Variants in PPP1R16A observed in about 807,000 individuals in gnomAD.
PPP1R16A encodes the protein protein phosphatase 1 regulatory subunit 16A.
PPP1R16A carries 39 observed loss-of-function variants against 46.6 expected under a neutral mutation model. The ratio of observed to expected loss-of-function variants is 0.84; its 90% CI spans 0.65 to 1.09. The LOEUF is 1.09. Ranked by LOEUF, PPP1R16A falls within the 50% of genes least tolerant of loss-of-function variation. The pLI, the probability that PPP1R16A is intolerant of heterozygous loss-of-function variation, is 0.00. For synonymous variants in PPP1R16A, 413 were observed against 321.5 expected (o/e 1.28, Z -3.04); for missense variants, 798 against 735.6 (o/e 1.08, Z -0.98).
intron 3 of PPP1R16A, chr8:144,498,411 G>A (rs1013532561): frequency 3.0e-6 from 1 of 338,652 alleles, no homozygotes; most frequent in Non-Finnish European, 5.7e-6. Context: ...AGGTTGTCAG[G>A]GAAGAGCCGA....
At position 144,493,944 on chromosome 8, in the gene PPP1R16A, T is replaced by TG. The variant is rs1014556096; in HGVS notation, c.-734-2510dup. Reference sequence around the variant, plus strand: ...GGCCTCCCTCTGCAGCCAGGGGGACTGGGGGGGTTCCCACTGTCCAGCTGC... The same window carrying TG: ...GGCCTCCCTCTGCAGCCAGGGGGACTGGGGGGGGTTCCCACTGTCCAGCTGC... On this transcript the variant is annotated intron_variant, in intron 2 of 11. Transcript: ENST00000435887. This position sits in a 1 kb window ranked among gnomAD's most constrained non-coding sequence, Gnocchi z 4.3. Among the ~76,000 whole-genome samples, 76 of 152,050 alleles carry TG rather than the reference T, an allele frequency of 5.0e-4. 2 individuals are homozygous for TG. The highest frequency in any genetic ancestry group is 2.1e-3 in the Admixed American group (32 of 15,272).
In PPP1R16A at chr8:144,497,316, A is replaced by G. The variant is rs201796418; in HGVS notation, c.122A>G (p.Glu41Gly). Reference sequence around the variant, plus strand: ...CAGGTGAAGATGTGGGCCCAGGCTGAGAAGGAGGCCCAGGGCAAGAAGGGT... The same window carrying G: ...CAGGTGAAGATGTGGGCCCAGGCTGGGAAGGAGGCCCAGGGCAAGAAGGGT... ...AQQVKMWAQA[E>G]KEAQGKKGPG... The change falls in exon 3 of 12, where the codon GAG becomes GGG. Residue 41 changes from glutamate (E) to glycine (G), a missense_variant. Coordinates refer to ENST00000435887, the MANE Select transcript of PPP1R16A (RefSeq NM_001329443.2). 6 of 1,612,562 alleles carry G rather than the reference A, an allele frequency of 3.7e-6. No individual in the cohort carries two copies. The Admixed American group carries it at 1.0e-4, about 27-fold the overall frequency.
At chr8:144,492,551 G>A (rs1033147500) in intron 2 of PPP1R16A, among the ~76,000 whole-genome samples, 2 of 152,078 alleles carry the variant, frequency 1.3e-5, no homozygotes, top group African/African-American at 4.8e-5. Flanking sequence ...TAGCAAGGAT[G>A]GTCTCGATCT....
chr8:144,502,011 C>T lies in PPP1R16A; in HGVS notation c.*108C>T, dbSNP rs768324407. On this transcript the variant is annotated 3_prime_UTR_variant, in exon 12 of 12. Transcript: ENST00000435887. ...TGCAGCACGGAAACCCCGGCTTCTA[C>T]TGTACAGGACACTGGCCCCTCTCAG... The T allele has an allele frequency of 1.8e-6, 2 of 1,135,078 alleles. No individual in the cohort carries two copies. The highest frequency in any genetic ancestry group is 1.2e-6 in the Non-Finnish European group (1 of 827,500). The allele number at this position is 1,135,078 out of a possible 1,614,324, so 70.3% of individuals were successfully genotyped here. A position where few individuals can be genotyped will look rare whatever the true frequency, so the allele number is the denominator to read the frequency against.
chr8:144,499,860 G>A (rs1826319446), intron 5 of PPP1R16A: 4 of 534,222 alleles, frequency 7.5e-6, no homozygotes, highest in African/African-American at 3.8e-5. Context: ...GCCCCTGGAG[G>A]TGCCAGGAAC....
intron 1 of PPP1R16A, among the ~76,000 whole-genome samples, chr8:144,486,314 G>C (rs1002523158): frequency 6.6e-6 from 1 of 152,082 alleles, no homozygotes; most frequent in Admixed American, 6.6e-5. Flanking sequence ...GATCCCGCCT[G>C]CCCCAGCCTC....
At chr8:144,479,469 C>G (rs1379272039) in intron 1 of PPP1R16A, among the ~76,000 whole-genome samples, 2 of 152,200 alleles carry the variant, frequency 1.3e-5, no homozygotes, top group Non-Finnish European at 2.9e-5. Context: ...CTGTCCTGGC[C>G]TCATCCCTCA....
Position 144,500,946 on chromosome 8 carries a change from C to G in PPP1R16A, c.1012C>G (p.Arg338Gly). 2 of 1,496,730 alleles carry G rather than the reference C, an allele frequency of 1.3e-6. No homozygotes were observed. Among genetic ancestry groups the G allele is most frequent in the South Asian group, 1.3e-5 (1 of 79,022 alleles). 92.7% of individuals were successfully genotyped at this position (1,496,730 alleles called of 1,614,324 possible). A position where few individuals can be genotyped will look rare whatever the true frequency, so the allele number is the denominator to read the frequency against. ...CCGCCAGCGCTCCTTGCTGCGCCGC[C>G]GCACCTCCAGCGCCGGCAGCCGCGG... ...QSRQRSLLRR[R>G]TSSAGSRGKV... Residue 338 changes from arginine to glycine, a missense_variant, in exon 10 of 12, where the codon CGC becomes GGC. Coordinates refer to ENST00000435887, the MANE Select transcript of PPP1R16A (RefSeq NM_001329443.2).
rs959110727 is a variant in PPP1R16A, at chr8:144,501,930, T to G, written c.*27T>G. 6.7e-7 allele frequency: 1 copy of G among 1,489,390 alleles called. No homozygotes were observed. Among genetic ancestry groups the G allele is most frequent in the African/African-American group, 1.4e-5 (1 of 72,158 alleles). The allele number at this position is 1,489,390 out of a possible 1,614,324, so 92.3% of individuals were successfully genotyped here. ...GCTGTTGCTCAGCATGCAGGGGCCC[T>G]GTCGCGGGCACAGCCCAAGGCTGCC... On this transcript the variant is annotated 3_prime_UTR_variant, in exon 12 of 12. Coordinates refer to ENST00000435887, the MANE Select transcript of PPP1R16A (RefSeq NM_001329443.2).
At chr8:144,491,908 G>A (rs1564762741) in intron 2 of PPP1R16A, among the ~76,000 whole-genome samples, 3 of 152,182 alleles carry the variant, frequency 2.0e-5, no homozygotes, top group Non-Finnish European at 4.4e-5. Context: ...CCCCAGCCTG[G>A]GCAATAGAGT....
At position 144,500,591 on chromosome 8, in the gene PPP1R16A, C is replaced by T. The variant is rs1044210734; in HGVS notation, c.810C>T (p.His270=). 4.4e-6 allele frequency: 7 copies of T among 1,599,556 alleles called. No homozygotes were observed. In the African/African-American group the frequency reaches 8.0e-5, roughly 18 times the overall value. ...ACCAAGACGGCTGGGAGCCGCTGCA[C>T]GCCGCGGCCTACTGGGGCCAGGTGA... ...AKDQDGWEPL[H]AAAYWGQVPL... The change falls in exon 8 of 12, where the codon CAC becomes CAT. Residue 270 remains histidine (H), a synonymous_variant. Coordinates refer to ENST00000435887, the MANE Select transcript of PPP1R16A (RefSeq NM_001329443.2).
At position 144,500,890 on chromosome 8, in the gene PPP1R16A, A is replaced by G; in HGVS notation, c.956A>G (p.His319Arg). 6.5e-7 allele frequency: 1 copy of G among 1,549,942 alleles called. No homozygotes were observed. The change falls in exon 10 of 12, where the codon CAC becomes CGC. Residue 319 changes from histidine to arginine, a missense_variant. His to Arg is a conservative substitution (Grantham distance 29). Transcript: ENST00000435887. The stretch of plus-strand genomic sequence containing the variant: ...CGGGCCAAGCTGCTGGAGCTGAAGC[A>G]CAAGCACGACGCCCTCCTGCGCGCC... ...EVRAKLLELK[H>R]KHDALLRAQS...
rs770627758 is a variant in PPP1R16A, at chr8:144,500,771, C to T, written c.907+10C>T. ...GACGAGACGCCCCTTGGTGAGCTTGCGGGGCCCACCTCCACCTGGGGGAGA... is the reference window on the plus strand; with the variant it reads ...GACGAGACGCCCCTTGGTGAGCTTGTGGGGCCCACCTCCACCTGGGGGAGA... On this transcript the variant is annotated intron_variant, in intron 9 of 11. Transcript: ENST00000435887. The T allele has an allele frequency of 8.7e-6, 14 of 1,609,762 alleles. No homozygotes were observed. Among genetic ancestry groups the T allele is most frequent in the Middle Eastern group, 1.7e-4 (1 of 6,056 alleles).
chr8:144,479,676 A>C (rs1342322743), intron 1 of PPP1R16A, among the ~76,000 whole-genome samples: 1 of 152,140 alleles, frequency 6.6e-6, no homozygotes, highest in Non-Finnish European at 1.5e-5. Context: ...AGGTGACCCC[A>C]CAGACTACCA....
rs758051064 is a variant in PPP1R16A at position 144,500,495 on chromosome 8, C to T, written c.714C>T (p.Val238=). The T allele has an allele frequency of 6.3e-7, 1 of 1,583,470 alleles. No individual in the cohort carries two copies. The highest frequency in any genetic ancestry group is 1.3e-5 in the African/African-American group (1 of 74,626). ...PLDHGATLLH[V]AAANGFSEAA... is the part of the protein sequence containing the mutation. ...CGGGCGCTTGCCTGCAGCTGCACGTCGCAGCCGCCAACGGGTTCAGCGAGG... is the reference window on the plus strand; with the variant it reads ...CGGGCGCTTGCCTGCAGCTGCACGTTGCAGCCGCCAACGGGTTCAGCGAGG... Residue 238 remains valine (V), a synonymous_variant, in exon 8 of 12, where the codon GTC becomes GTT. Coordinates refer to ENST00000435887, the MANE Select transcript of PPP1R16A (RefSeq NM_001329443.2).
rs1826123735 is a variant in PPP1R16A at position 144,497,335 on chromosome 8, G to A, written c.141G>A (p.Lys47=). The A allele has an allele frequency of 6.2e-7, 1 of 1,612,650 alleles. No homozygotes were observed. The highest frequency in any genetic ancestry group is 1.3e-5 in the African/African-American group (1 of 74,926). Residue 47 remains lysine, a synonymous_variant, in exon 3 of 12, where the codon AAG becomes AAA. Coordinates refer to ENST00000435887, the MANE Select transcript of PPP1R16A (RefSeq NM_001329443.2). ...AGGCTGAGAAGGAGGCCCAGGGCAA[G>A]AAGGGTCCTGGGGAGCGTCCCCGGA... ...WAQAEKEAQG[K]KGPGERPRKE...
intron 1 of PPP1R16A, among the ~76,000 whole-genome samples, chr8:144,483,670 TG>T (rs1409344181): frequency 1.3e-5 from 2 of 151,382 alleles, no homozygotes; most frequent in Admixed American, 1.3e-4. Flanking sequence ...CCTCCCAAAG[TG>T]CTGGGATTAC....
chr8:144,487,108 C>T (rs1358868115), intron 1 of PPP1R16A, among the ~76,000 whole-genome samples: 1 of 151,976 alleles, frequency 6.6e-6, no homozygotes, highest in Non-Finnish European at 1.5e-5. Context: ...CTACCTCAGC[C>T]TTCAGAGTAG....
rs1825902046 is a variant in PPP1R16A, at chr8:144,493,477, C to T, written c.-734-2984C>T. Among the ~76,000 whole-genome samples, 1 of 152,176 alleles carries T rather than the reference C, an allele frequency of 6.6e-6. No homozygotes were observed. Among genetic ancestry groups the T allele is most frequent in the African/African-American group, 2.4e-5 (1 of 41,448 alleles). Reference sequence around the variant, plus strand: ...TCTTCTCAGCTCTGGTGGGCTGTTCCTGGTCCATCTTGTGGCTGGGAGGAG... The same window carrying T: ...TCTTCTCAGCTCTGGTGGGCTGTTCTTGGTCCATCTTGTGGCTGGGAGGAG... On this transcript the variant is annotated intron_variant, in intron 2 of 11. Coordinates refer to ENST00000435887, the MANE Select transcript of PPP1R16A (RefSeq NM_001329443.2). The surrounding 1 kb of genome is among the most constrained non-coding windows in gnomAD (Gnocchi z 4.3).
Sources: gnomAD v4.1 joint callset for allele counts (sites outside exome capture counted in the v4.1 genomes callset) on GRCh38, gnomAD v4.1.1 for gene constraint, Gnocchi (gnomAD v3.1) non-coding constraint, MANE v1.5 for transcripts, NCBI Gene and HGNC (gene_info 2026-07-23, HGNC 2026-07-21) for gene names.